The following SNX32 variants were observed in gnomAD, a reference collection of about 807,000 sequenced individuals.
SNX32 encodes the protein sorting nexin-32.
In SNX32, 58 loss-of-function variants were observed where a neutral mutation model predicts 57.0. The observed-to-expected ratio is 1.02, with a 90% CI of 0.82 to 1.27. The LOEUF (loss-of-function observed/expected upper bound fraction) is 1.27. Among genes scored for constraint, SNX32 ranks in the 50% most tolerant of loss-of-function variants. SNX32 has a pLI of 0.00. For synonymous variants in SNX32, 262 were observed against 220.4 expected (o/e 1.19, Z -1.67); for missense variants, 589 against 541.2 (o/e 1.09, Z -0.88).
chr11:65,851,163 A>G lies in SNX32; in HGVS notation c.709+3A>G. On this transcript the variant is annotated splice_donor_region_variant and intron_variant, in intron 7 of 12. Transcript: ENST00000308342. The stretch of plus-strand genomic sequence containing the variant: ...CCGCGTCATGCGCGCCCACAAGTGT[A>G]CGCAGGGCCCAAGGGGTCCTGGATC... The G allele has an allele frequency of 1.2e-6, 2 of 1,611,912 alleles. No homozygotes were observed. The highest frequency in any genetic ancestry group is 1.7e-6 in the Non-Finnish European group (2 of 1,179,772).
rs754616100 is a variant in SNX32, at chr11:65,851,412, T to TC, written c.785+15dup. On this transcript the variant is annotated intron_variant, in intron 8 of 12. Transcript: ENST00000308342. Reference sequence around the variant, plus strand: ...GTCAACCAGCTAAGGACGTGAGGACTCCCCCCACCCCTACCCTCTCCCTGT... The same window carrying TC: ...GTCAACCAGCTAAGGACGTGAGGACTCCCCCCCACCCCTACCCTCTCCCTGT... The TC allele has an allele frequency of 1.7e-5, 27 of 1,613,370 alleles. No homozygotes were observed. In the South Asian group the frequency reaches 2.2e-4, roughly 13 times the overall value.
At chr11:65,840,938 TTC>T (rs1476369052) in intron 1 of SNX32, among the ~76,000 whole-genome samples, 2 of 152,062 alleles carry the variant, frequency 1.3e-5, no homozygotes, top group African/African-American at 4.8e-5. Flanking sequence ...TGGTTTTTTT[TTC>T]TTTCTTTCTT....
intron 5 of SNX32, 74 bp downstream of exon 5, chr11:65,850,628 G>C: frequency 6.4e-7 from 1 of 1,559,218 alleles, no homozygotes; most frequent in Non-Finnish European, 8.7e-7. Context: ...CCCAGGGGTG[G>C]CAGGGCTGGA....
Position 65,851,624 on chromosome 11 carries a change from C to G in SNX32, c.786-16C>G. 1 of 1,614,030 alleles carries G rather than the reference C, an allele frequency of 6.2e-7. No individual in the cohort carries two copies. Among genetic ancestry groups the G allele is most frequent in the Non-Finnish European group, 8.5e-7 (1 of 1,179,946 alleles). On this transcript the variant is annotated splice_polypyrimidine_tract_variant and intron_variant, in intron 8 of 12. Coordinates refer to ENST00000308342, the MANE Select transcript of SNX32 (RefSeq NM_152760.3). ...CCTCAGCCCCCTACCCTAACTCCCTCCCTACTGCTTCCTAGGAGCTTCCTC... is the reference window on the plus strand; with the variant it reads ...CCTCAGCCCCCTACCCTAACTCCCTGCCTACTGCTTCCTAGGAGCTTCCTC...
chr11:65,842,004 G>T (rs11227326), intron 1 of SNX32, among the ~76,000 whole-genome samples: 2,152 of 152,172 alleles, frequency 0.014, 50 homozygotes, highest in East Asian at 0.1. Flanking sequence ...GTACATTTTT[G>T]AGGGGTAGAA....
rs1449077924 is a variant in SNX32 at position 65,851,674 on chromosome 11, CTGAGGG to C, written c.825_825+5del. Reference sequence around the variant, plus strand: ...CAAATTGGCAGAGCTCTTTGAACGGCTGAGGGTGAGTACTGCCTTCTGTGCTCAAAG... The same window carrying C: ...CAAATTGGCAGAGCTCTTTGAACGGCTGAGTACTGCCTTCTGTGCTCAAAG... On this transcript the variant is annotated splice_donor_variant and coding_sequence_variant, in exon 9 of 13. Transcript: ENST00000308342. LOFTEE classifies it high-confidence loss of function. 1.9e-6 allele frequency: 3 copies of C among 1,614,092 alleles called. No homozygotes were observed. The South Asian group carries it at 3.3e-5, about 18-fold the overall frequency.
At chr11:65,842,256 T>G (rs1858860454) in intron 1 of SNX32, among the ~76,000 whole-genome samples, 1 of 152,130 alleles carries the variant, frequency 6.6e-6, no homozygotes, top group Non-Finnish European at 1.5e-5. Context: ...CCAAAGCAAT[T>G]CAATAGCAAA....
At chr11:65,839,243 T>TTTTTTTTTTTTTTTTTG (rs1858765460) in intron 1 of SNX32, among the ~76,000 whole-genome samples, 1 of 58,904 alleles carries the variant, frequency 1.7e-5, no homozygotes. Flanking sequence ...TTTTTTTTTT[T>TTTTTTTTTTTTTTTTTG]TTTTGAGACG....
chr11:65,849,451 A>G (rs369865455), intron 1 of SNX32, 27 bp from the exon 2 acceptor site: 1 of 1,567,298 alleles, frequency 6.4e-7, no homozygotes, highest in African/African-American at 1.3e-5. Context: ...ATGCTCAGCC[A>G]GGCCAGAGAC....
intron 1 of SNX32, among the ~76,000 whole-genome samples, chr11:65,845,314 T>G (rs954997595): frequency 6.6e-6 from 1 of 151,398 alleles, no homozygotes; most frequent in African/African-American, 2.4e-5. Flanking sequence ...GGTGTATGAC[T>G]GTAATCCCAG....
At chr11:65,845,266 C>G (rs905240197) in intron 1 of SNX32, among the ~76,000 whole-genome samples, 3 of 151,506 alleles carry the variant, frequency 2.0e-5, no homozygotes, top group African/African-American at 7.3e-5. Flanking sequence ...AGTGAAACCC[C>G]GTCTCTACTA....
At position 65,850,493 on chromosome 11, in the gene SNX32, C is replaced by T. The variant is rs760599010; in HGVS notation, c.437C>T (p.Ala146Val). ...CACGAAGTCTTTCTGCAGCGCCTGGCGGCCCACCCCACCCTGCGTCGAGAC... is the reference window on the plus strand; with the variant it reads ...CACGAAGTCTTTCTGCAGCGCCTGGTGGCCCACCCCACCCTGCGTCGAGAC... ...AMHEVFLQRL[A>V]AHPTLRRDHN... Residue 146 changes from alanine to valine, a missense_variant, in exon 5 of 13, where the codon GCG becomes GTG. Ala to Val is a moderately conservative substitution (Grantham distance 64). Coordinates refer to ENST00000308342, the MANE Select transcript of SNX32 (RefSeq NM_152760.3). 10 of 1,614,040 alleles carry T rather than the reference C, an allele frequency of 6.2e-6. No individual in the cohort carries two copies. Among genetic ancestry groups the T allele is most frequent in the African/African-American group, 2.7e-5 (2 of 75,052 alleles).
rs750686697 is a variant in SNX32 at position 65,853,364 on chromosome 11, C to G, written c.*29C>G. ...AGCCAGAGCTCAGCCAGACCCTAATCTGGGATCTCCAGTGACCAGGGTATC... is the reference window on the plus strand; with the variant it reads ...AGCCAGAGCTCAGCCAGACCCTAATGTGGGATCTCCAGTGACCAGGGTATC... On this transcript the variant is annotated 3_prime_UTR_variant, in exon 13 of 13. Transcript: ENST00000308342. 5 of 1,611,532 alleles carry G rather than the reference C, an allele frequency of 3.1e-6. No homozygotes were observed. In the South Asian group the frequency reaches 4.4e-5, roughly 14 times the overall value.
chr11:65,837,323 T>C (rs999083640), intron 1 of SNX32, among the ~76,000 whole-genome samples: 1 of 152,100 alleles, frequency 6.6e-6, no homozygotes, highest in African/African-American at 2.4e-5. Context: ...AGAGACATAT[T>C]TTAAATATAA....
intron 5 of SNX32, 78 bp downstream of exon 5, chr11:65,850,632 G>A: frequency 6.4e-7 from 1 of 1,558,890 alleles, no homozygotes; most frequent in Non-Finnish European, 8.7e-7. Context: ...GGGGTGGCAG[G>A]GCTGGAGAAG....
chr11:65,849,014 C>A (rs1254857038), intron 1 of SNX32, among the ~76,000 whole-genome samples: 1 of 152,116 alleles, frequency 6.6e-6, no homozygotes, highest in Non-Finnish European at 1.5e-5. Context: ...CATGGTGGCT[C>A]ATGCCTGTGG....
At chr11:65,849,695 G>A in intron 2 of SNX32, 113 bp downstream of exon 2, 1 of 1,001,842 alleles carries the variant, frequency 1.0e-6, no homozygotes, top group South Asian at 1.4e-5. Flanking sequence ...CCTCCACCTG[G>A]CACTTGCCCT....
intron 1 of SNX32, among the ~76,000 whole-genome samples, chr11:65,848,557 G>A (rs1859065668): frequency 6.6e-6 from 1 of 152,094 alleles, no homozygotes; most frequent in South Asian, 2.1e-4. Context: ...GTGACAGAGC[G>A]AGACCCTGTC....
At chr11:65,850,302 C>T in intron 4 of SNX32, 31 bp downstream of exon 4, 2 of 1,614,054 alleles carry the variant, frequency 1.2e-6, no homozygotes, top group Non-Finnish European at 1.7e-6. Flanking sequence ...CTGCCATCCC[C>T]AGAGTCCAGA....
Sources: allele counts gnomAD v4.1 joint callset (sites outside exome capture counted in the v4.1 genomes callset), GRCh38; gene constraint gnomAD v4.1.1; transcripts MANE v1.5; gene names NCBI Gene and HGNC (gene_info 2026-07-23, HGNC 2026-07-21).